DPYD: variants seen among roughly 807,000 people sequenced by gnomAD.
DPYD encodes the protein dihydropyrimidine dehydrogenase [NADP(+)].
Under a neutral mutation model 116.2 loss-of-function variants are expected in DPYD, and 109 were observed. That is an observed-to-expected ratio of 0.94 (90% CI 0.80 to 1.10). DPYD has a LOEUF of 1.10. DPYD is among the 50% of genes least tolerant of loss of function. The probability of loss-of-function intolerance (pLI) is 0.00; values close to 1 mark genes in which losing one functional copy is unlikely to be tolerated. For synonymous variants in DPYD, 440 were observed against 432.0 expected (o/e 1.02, Z -0.23); for missense variants, 1,302 against 1,254.5 (o/e 1.04, Z -0.57).
At chr1:97,384,256 A>C (rs1672171690) in intron 14 of DPYD, among the ~76,000 whole-genome samples, 4 of 151,890 alleles carry the variant, frequency 2.6e-5, no homozygotes, top group African/African-American at 9.7e-5. Flanking sequence ...GAAAAAAAAA[A>C]AAAAAGATAT....
intron 18 of DPYD, among the ~76,000 whole-genome samples, chr1:97,257,452 T>TATATATATAGAGAGAGAGAGAGAGAGAG (rs375490078): frequency 1.6e-5 from 2 of 126,464 alleles, no homozygotes; most frequent in African/African-American, 6.3e-5. Flanking sequence ...TATATATATA[T>TATATATATAGAGAGAGAGAGAGAGAGAG]AGAGAGAGAG....
At chr1:97,889,207 T>G (rs766052531) in intron 1 of DPYD, among the ~76,000 whole-genome samples, 8 of 151,272 alleles carry the variant, frequency 5.3e-5, no homozygotes, top group Non-Finnish European at 1.0e-4. Context: ...AAAAATAAAA[T>G]TAAAGGAAGT....
chr1:97,147,305 C>T (rs370793292), intron 20 of DPYD, among the ~76,000 whole-genome samples: 1 of 152,030 alleles, frequency 6.6e-6, no homozygotes. Context: ...GCTGAGATCG[C>T]GCCACTGACT....
intron 2 of DPYD, among the ~76,000 whole-genome samples, chr1:97,846,946 G>A (rs1670329592): frequency 6.6e-6 from 1 of 152,154 alleles, no homozygotes; most frequent in Admixed American, 6.5e-5. Flanking sequence ...GCACTTTTCA[G>A]TTGTGAAATT....
At chr1:97,256,308 C>G (rs1663459298) in intron 18 of DPYD, among the ~76,000 whole-genome samples, 1 of 152,076 alleles carries the variant, frequency 6.6e-6, no homozygotes, top group African/African-American at 2.4e-5. Flanking sequence ...CCTTCCTTCT[C>G]TCTTTCTTTT....
rs146529561 is a variant in DPYD at position 97,305,372 on chromosome 1, G to A, written c.2186C>T (p.Ala729Val). Reference protein sequence around the residue: ...SIARAAKEGGANGVTATNTVS... With the variant: ...SIARAAKEGGVNGVTATNTVS... ...AGTGTTGGTGGCTGTAACGCCATTG[G>A]CACCACCTATGCAAGACACATCAAC... The change falls in exon 18 of 23, where the codon GCC becomes GTC. Residue 729 changes from alanine to valine, a missense_variant. Transcript: ENST00000370192. 27 of 1,612,030 alleles carry A rather than the reference G, an allele frequency of 1.7e-5. No individual in the cohort carries two copies. The highest frequency in any genetic ancestry group is 2.1e-5 in the Non-Finnish European group (25 of 1,178,774).
chr1:97,707,446 C>A (rs1662039168), intron 5 of DPYD, among the ~76,000 whole-genome samples: 1 of 107,694 alleles, frequency 9.3e-6, no homozygotes. Flanking sequence ...CTCCCCCCTC[C>A]CCCCACCCCA....
At chr1:97,878,247 G>C (rs969492117) in intron 2 of DPYD, among the ~76,000 whole-genome samples, 3 of 151,894 alleles carry the variant, frequency 2.0e-5, no homozygotes, top group Admixed American at 1.3e-4. Flanking sequence ...AGATTACTGA[G>C]TCTTTGTTAG....
intron 8 of DPYD, among the ~76,000 whole-genome samples, chr1:97,618,245 A>G (rs879149706): frequency 6.6e-6 from 1 of 152,054 alleles, no homozygotes; most frequent in Non-Finnish European, 1.5e-5. Context: ...ATCCTTTTCA[A>G]TTATTTTTTA....
intron 16 of DPYD, among the ~76,000 whole-genome samples, chr1:97,352,768 T>C (rs1482989189): frequency 6.6e-6 from 1 of 152,058 alleles, no homozygotes; most frequent in African/African-American, 2.4e-5. Flanking sequence ...GGAACCAAAA[T>C]GAATAGTACA....
intron 13 of DPYD, among the ~76,000 whole-genome samples, chr1:97,503,785 C>A (rs1056307893): frequency 6.6e-6 from 1 of 151,406 alleles, no homozygotes. Context: ...ATGTTACTGA[C>A]AAAATCCAGA....
At chr1:97,248,304 G>A (rs534500123) in intron 18 of DPYD, among the ~76,000 whole-genome samples, 118 of 152,236 alleles carry the variant, frequency 7.8e-4, no homozygotes, top group African/African-American at 2.7e-3. Flanking sequence ...TCTTTCCTGC[G>A]CTGTTCTTGT....
intron 8 of DPYD, among the ~76,000 whole-genome samples, chr1:97,622,170 G>C (rs1377067930): frequency 6.6e-6 from 1 of 151,912 alleles, no homozygotes; most frequent in Non-Finnish European, 1.5e-5. Context: ...GATATGCAAA[G>C]AGTCATAAAA....
intron 13 of DPYD, among the ~76,000 whole-genome samples, chr1:97,456,825 T>G (rs1482894836): frequency 6.6e-6 from 1 of 152,032 alleles, no homozygotes; most frequent in Admixed American, 6.6e-5. Flanking sequence ...ACAGGCAAAA[T>G]AATTATCATT....
intron 19 of DPYD, among the ~76,000 whole-genome samples, chr1:97,218,750 CA>C (rs1487259140): frequency 4.6e-5 from 7 of 151,968 alleles, no homozygotes; most frequent in African/African-American, 1.7e-4. Flanking sequence ...TATGCCAAAT[CA>C]AAAGTGATGA....
intron 2 of DPYD, among the ~76,000 whole-genome samples, chr1:97,859,596 C>A (rs1671018650): frequency 6.6e-6 from 1 of 152,116 alleles, no homozygotes; most frequent in East Asian, 1.9e-4. Context: ...TCTTGGTAAA[C>A]CCTATGTGTC....
chr1:97,826,135 A>C (rs1033067997), intron 3 of DPYD, among the ~76,000 whole-genome samples: 3 of 152,184 alleles, frequency 2.0e-5, no homozygotes, highest in African/African-American at 7.2e-5. Context: ...GCTTTGTCTC[A>C]TAGAATGGGT....
intron 18 of DPYD, among the ~76,000 whole-genome samples, chr1:97,292,722 G>GCACGCACA (rs1666289206): frequency 1.3e-5 from 2 of 149,822 alleles, no homozygotes; most frequent in Non-Finnish European, 1.5e-5. Context: ...ACACGCGCGA[G>GCACGCACA]CACACACACA....
At chr1:97,174,062 A>G (rs1479363955) in intron 20 of DPYD, among the ~76,000 whole-genome samples, 2 of 151,976 alleles carry the variant, frequency 1.3e-5, no homozygotes, top group Non-Finnish European at 2.9e-5. Flanking sequence ...ATGTCAATGC[A>G]TATATTAAAA....
Sources: gnomAD v4.1 joint callset for allele counts (sites outside exome capture counted in the v4.1 genomes callset) on GRCh38, gnomAD v4.1.1 for gene constraint, MANE v1.5 for transcripts, NCBI Gene and HGNC (gene_info 2026-07-23, HGNC 2026-07-21) for gene names.